MEGF11: variants seen among roughly 807,000 people sequenced by gnomAD.
MEGF11 encodes multiple EGF like domains 11, also known as multiple epidermal growth factor-like domains protein 11.
MEGF11 carries 126 observed loss-of-function variants against 146.6 expected under a neutral mutation model. That is an observed-to-expected ratio of 0.86 (90% CI 0.74 to 1.00). The LOEUF is 1.00. Among genes scored for constraint, MEGF11 ranks in the 50% least tolerant of loss-of-function variants. The probability of loss-of-function intolerance (pLI) is 0.00; values close to 1 mark genes in which losing one functional copy is unlikely to be tolerated. For synonymous variants in MEGF11, 532 were observed against 583.4 expected (o/e 0.91, Z 1.27); for missense variants, 1,509 against 1,521.2 (o/e 0.99, Z 0.13).
At chr15:65,965,592 C>CTTTTT (rs1567179999) in intron 8 of MEGF11, among the ~76,000 whole-genome samples, 1 of 16,492 alleles carries the variant, frequency 6.1e-5, no homozygotes, top group African/African-American at 1.3e-4. Flanking sequence ...TTCTTTCTTT[C>CTTTTT]TTTCTTTCTT....
chr15:66,012,378 G>A (rs1288866304), intron 5 of MEGF11, among the ~76,000 whole-genome samples: 5 of 152,218 alleles, frequency 3.3e-5, no homozygotes, highest in African/African-American at 1.2e-4. Flanking sequence ...GCAGGTGCTG[G>A]AGCTAGGCTC....
intron 5 of MEGF11, among the ~76,000 whole-genome samples, chr15:66,047,882 T>C (rs1035583313): frequency 6.6e-6 from 1 of 151,612 alleles, no homozygotes; most frequent in Non-Finnish European, 1.5e-5. Context: ...AAGTAGAAGG[T>C]GTCACACTGG....
At chr15:66,158,679 C>T (rs2089848140) in intron 1 of MEGF11, among the ~76,000 whole-genome samples, 1 of 152,240 alleles carries the variant, frequency 6.6e-6, no homozygotes, top group Non-Finnish European at 1.5e-5. Context: ...CTCCAGAATC[C>T]TAATGAGTAG....
intron 1 of MEGF11, among the ~76,000 whole-genome samples, chr15:66,164,112 G>A (rs1390027207): frequency 1.3e-5 from 2 of 152,156 alleles, no homozygotes; most frequent in Non-Finnish European, 1.5e-5. Flanking sequence ...TGGGGTGGAG[G>A]TCCATTGTGG....
intron 16 of MEGF11, among the ~76,000 whole-genome samples, chr15:65,917,206 A>T (rs1184977013): frequency 6.6e-6 from 1 of 151,828 alleles, no homozygotes; most frequent in Non-Finnish European, 1.5e-5. Flanking sequence ...ACTCAGCAGG[A>T]CTCTGAGGGC....
At chr15:66,008,409 GCGCACACACA>G (rs1300603714) in intron 5 of MEGF11, among the ~76,000 whole-genome samples, 9 of 46,536 alleles carry the variant, frequency 1.9e-4, no homozygotes, top group Admixed American at 1.0e-3. Context: ...ACACGCGCGC[GCGCACACACA>G]CACACACACA....
At chr15:66,095,765 G>A (rs2086520693) in intron 4 of MEGF11, among the ~76,000 whole-genome samples, 1 of 152,198 alleles carries the variant, frequency 6.6e-6, no homozygotes, top group Admixed American at 6.5e-5. Context: ...AGCCTGGGTT[G>A]TGGTGTGTCT....
At chr15:66,028,655 A>C (rs1017310168) in intron 5 of MEGF11, among the ~76,000 whole-genome samples, 1 of 152,264 alleles carries the variant, frequency 6.6e-6, no homozygotes, top group Non-Finnish European at 1.5e-5. Flanking sequence ...ATGGTCAAAC[A>C]ATAGGGGAAT....
At chr15:66,182,049 C>T (rs1484856912) in intron 1 of MEGF11, among the ~76,000 whole-genome samples, 2 of 152,298 alleles carry the variant, frequency 1.3e-5, no homozygotes, top group South Asian at 2.1e-4. Context: ...AGTCATTGGG[C>T]GGCCCCCTCC....
intron 1 of MEGF11, among the ~76,000 whole-genome samples, chr15:66,238,975 G>A (rs2092154286): frequency 6.6e-6 from 1 of 152,190 alleles, no homozygotes; most frequent in South Asian, 2.1e-4. Flanking sequence ...ACTGCTGTAC[G>A]CCCAACAGCA....
intron 1 of MEGF11, among the ~76,000 whole-genome samples, chr15:66,211,871 G>A (rs1039648416): frequency 7.9e-5 from 12 of 151,756 alleles, no homozygotes; most frequent in African/African-American, 2.9e-4. Context: ...TGTCAGAGAA[G>A]TCACAGAAGA....
intron 5 of MEGF11, among the ~76,000 whole-genome samples, chr15:66,025,389 CAGGGAGG>C (rs887123729): frequency 6.6e-6 from 1 of 151,966 alleles, no homozygotes; most frequent in South Asian, 2.1e-4. Flanking sequence ...CAGCCTGAGG[CAGGGAGG>C]AGGGAGGAGG....
In MEGF11 at chr15:65,965,071, G is replaced by T; in HGVS notation, c.949C>A (p.His317Asn). ...TGCCCCCCATTGTGGCAGTCACAGT[G>T]CTGTGAGCACTGGAAGCCGAAGGAC... Reference protein sequence around the residue: ...FGSFGFQCSQHCDCHNGGQCS... With the variant: ...FGSFGFQCSQNCDCHNGGQCS... Residue 317 changes from histidine to asparagine, a missense_variant, in exon 9 of 26, where the codon CAC (histidine) becomes AAC (asparagine). His to Asn is a moderately conservative substitution (Grantham distance 68). Coordinates refer to ENST00000395614, the MANE Select transcript of MEGF11 (RefSeq NM_001385028.1). 6.3e-7 allele frequency: 1 copy of T among 1,596,508 alleles called. No individual in the cohort carries two copies. Among genetic ancestry groups the T allele is most frequent in the Non-Finnish European group, 8.5e-7 (1 of 1,170,714 alleles).
At chr15:66,250,068 G>A (rs1156939160) in intron 1 of MEGF11, among the ~76,000 whole-genome samples, 1 of 152,222 alleles carries the variant, frequency 6.6e-6, no homozygotes, top group Non-Finnish European at 1.5e-5. Flanking sequence ...AGCTGTGGAT[G>A]CTGGAATTTA....
intron 4 of MEGF11, among the ~76,000 whole-genome samples, chr15:66,097,787 T>A (rs972616727): frequency 2.7e-5 from 4 of 149,726 alleles, no homozygotes; most frequent in African/African-American, 9.8e-5. Flanking sequence ...TGTTTCTTGG[T>A]TGGGACTCTA....
Position 66,131,205 on chromosome 15 carries a change from G to A in MEGF11, c.-8-2794C>T, listed in dbSNP as rs536848126. Among the ~76,000 whole-genome samples, 15 of 152,354 alleles carry A rather than the reference G, an allele frequency of 9.8e-5. No individual in the cohort carries two copies. The South Asian group carries it at 2.7e-3, about 27-fold the overall frequency. On this transcript the variant is annotated intron_variant, in intron 1 of 25. Transcript: ENST00000395614. The stretch of plus-strand genomic sequence containing the variant: ...GACTGGGCAGGGCGGATAAAGGGAA[G>A]AGAAAGTGCCCAGGAGGCGTACCTC...
At chr15:65,957,891 G>A (rs573869583) in intron 9 of MEGF11, among the ~76,000 whole-genome samples, 170 bp from the exon 10 acceptor site, 1 of 152,124 alleles carries the variant, frequency 6.6e-6, no homozygotes, top group Non-Finnish European at 1.5e-5. Context: ...AGGCCACATG[G>A]TCTCATTAGC....
chr15:66,213,232 C>A (rs2091507226), intron 1 of MEGF11, among the ~76,000 whole-genome samples: 1 of 152,138 alleles, frequency 6.6e-6, no homozygotes, highest in African/African-American at 2.4e-5. Context: ...TACTTCAGAT[C>A]ATAGCTCATT....
chr15:66,099,877 T>C (rs1185149209), intron 4 of MEGF11, among the ~76,000 whole-genome samples: 1 of 152,040 alleles, frequency 6.6e-6, no homozygotes, highest in African/African-American at 2.4e-5. Context: ...GGAGCCCTGG[T>C]AAAACTAGAA....
Sources: allele counts gnomAD v4.1 joint callset (sites outside exome capture counted in the v4.1 genomes callset), GRCh38; gene constraint gnomAD v4.1.1; transcripts MANE v1.5; gene names NCBI Gene and HGNC (gene_info 2026-07-23, HGNC 2026-07-21).